The following RANBP2 variants were observed in gnomAD, a reference collection of about 807,000 sequenced individuals.
RANBP2 encodes the protein E3 SUMO-protein ligase RanBP2.
A neutral mutation model predicts 303.6 loss-of-function variants in RANBP2; 57 were observed. That is an observed-to-expected ratio of 0.19 (90% confidence interval 0.15 to 0.23). The LOEUF (loss-of-function observed/expected upper bound fraction) is 0.23, where lower values mean the gene tolerates loss of function less well. RANBP2 is among the 10% of genes least tolerant of loss of function. The pLI is 1.00. For synonymous variants in RANBP2, 1,167 were observed against 1,301.5 expected (o/e 0.90, Z 2.23); for missense variants, 3,138 against 3,780.8 (o/e 0.83, Z 4.46).
chr2:108,960,103 G>A, the RANBP2 span, among the ~76,000 whole-genome samples: 1 of 152,186 alleles, frequency 6.6e-6, no homozygotes, highest in Non-Finnish European at 1.5e-5. Context: ...CACACCCTGT[G>A]GCTGGGTCCA....
chr2:109,412,178 C>T, the RANBP2 span, among the ~76,000 whole-genome samples: 6,919 of 152,358 alleles, frequency 0.045, 504 homozygotes, highest in African/African-American at 0.15. Context: ...GCGTGTGCTC[C>T]GCACAGTGTG....
At chr2:109,655,452 A>G in the RANBP2 span, among the ~76,000 whole-genome samples, 1 of 152,130 alleles carries the variant, frequency 6.6e-6, no homozygotes, top group African/African-American at 2.4e-5. Context: ...GCCATGGATG[A>G]GCTGATGAAG....
chr2:108,822,305 A>G, the RANBP2 span, among the ~76,000 whole-genome samples: 1 of 152,236 alleles, frequency 6.6e-6, no homozygotes. Context: ...CTAAAATATT[A>G]TAAAGCAAAC....
chr2:109,220,648 C>A, the RANBP2 span, among the ~76,000 whole-genome samples: 2 of 152,226 alleles, frequency 1.3e-5, no homozygotes, highest in African/African-American at 2.4e-5. Flanking sequence ...TACAAATGGC[C>A]AGTAAGCACA....
the RANBP2 span, among the ~76,000 whole-genome samples, chr2:109,592,388 C>G: frequency 2.0e-5 from 3 of 152,038 alleles, no homozygotes; most frequent in Non-Finnish European, 2.9e-5. Context: ...TTGCTTGAAC[C>G]CGGGAGGCAG....
chr2:108,749,367 G>A (rs1675668129), intron 9 of RANBP2, among the ~76,000 whole-genome samples: 2 of 152,020 alleles, frequency 1.3e-5, no homozygotes, highest in Non-Finnish European at 2.9e-5. Flanking sequence ...GTGCGATCTC[G>A]GCTCACTGTA....
At chr2:109,496,712 T>C in the RANBP2 span, among the ~76,000 whole-genome samples, 19 of 152,176 alleles carry the variant, frequency 1.2e-4, no homozygotes, top group African/African-American at 4.6e-4. Context: ...GTGAGCAGAA[T>C]AATGGCCCCC....
At chr2:109,434,460 T>C in the RANBP2 span, among the ~76,000 whole-genome samples, 13 of 152,330 alleles carry the variant, frequency 8.5e-5, no homozygotes, top group East Asian at 5.8e-4. Flanking sequence ...TTGCGTAGCA[T>C]TGGGACATCG....
At chr2:109,326,752 A>T in the RANBP2 span, among the ~76,000 whole-genome samples, 1 of 152,170 alleles carries the variant, frequency 6.6e-6, no homozygotes, top group Admixed American at 6.5e-5. Flanking sequence ...CACTGTTCTA[A>T]GTGGTTCTGG....
chr2:109,178,774 G>A, the RANBP2 span, among the ~76,000 whole-genome samples: 124,339 of 152,134 alleles, frequency 0.82, 50,931 homozygotes, highest in East Asian at 0.89. Context: ...ATTAGATTTC[G>A]TAGGTGTCTC....
At chr2:109,025,723 G>A in the RANBP2 span, among the ~76,000 whole-genome samples, 225 of 151,862 alleles carry the variant, frequency 1.5e-3, 1 homozygote, top group African/African-American at 5.2e-3. Context: ...GCGTGAACCC[G>A]GGAGGCAGAG....
the RANBP2 span, among the ~76,000 whole-genome samples, chr2:108,833,685 A>G: frequency 6.6e-6 from 1 of 152,004 alleles, no homozygotes; most frequent in African/African-American, 2.4e-5. Flanking sequence ...AATTTTCACA[A>G]ATTTTTTTGT....
chr2:108,762,061 C>T, intron 18 of RANBP2, 40 bp from the exon 19 acceptor site: 1 of 1,595,966 alleles, frequency 6.3e-7, no homozygotes, highest in Non-Finnish European at 8.5e-7. Context: ...GTAGTATAGA[C>T]TTTAACAGTG....
intron 18 of RANBP2, among the ~76,000 whole-genome samples, chr2:108,760,846 T>G (rs2162579): frequency 1.3e-5 from 2 of 152,114 alleles, no homozygotes. Context: ...GTGATCTCCT[T>G]TGCATGAATT....
the RANBP2 span, among the ~76,000 whole-genome samples, chr2:109,718,260 T>C: frequency 6.6e-5 from 10 of 152,144 alleles, no homozygotes; most frequent in Non-Finnish European, 1.5e-4. Context: ...ACCTAAAAAT[T>C]TGTACACAAA....
chr2:109,068,366 C>G, the RANBP2 span, among the ~76,000 whole-genome samples: 2 of 152,174 alleles, frequency 1.3e-5, no homozygotes, highest in Admixed American at 1.3e-4. Context: ...ACCCCCACCC[C>G]AGATGGCAAC....
chr2:108,876,129 T>G, the RANBP2 span: 2 of 1,606,618 alleles, frequency 1.2e-6, no homozygotes, highest in Non-Finnish European at 1.7e-6. Context: ...ATTCATCTGA[T>G]GCTTCAAGAA....
chr2:109,728,779 A>G, the RANBP2 span, among the ~76,000 whole-genome samples: 1 of 150,954 alleles, frequency 6.6e-6, no homozygotes, highest in East Asian at 1.9e-4. Context: ...ATATATATAC[A>G]GTGGTGTGCT....
chr2:109,696,039 C>T, the RANBP2 span, among the ~76,000 whole-genome samples: 4 of 152,130 alleles, frequency 2.6e-5, no homozygotes, highest in African/African-American at 9.7e-5. Context: ...TCTCAGCTCA[C>T]TGCAACCTCC....
Sources: allele counts gnomAD v4.1 joint callset (sites outside exome capture counted in the v4.1 genomes callset), GRCh38; gene constraint gnomAD v4.1.1; transcripts MANE v1.5; gene names NCBI Gene and HGNC (gene_info 2026-07-23, HGNC 2026-07-21).